Variants in NOSTRIN observed in about 807,000 individuals in gnomAD.
The protein encoded by NOSTRIN is nitric oxide synthase trafficking.
NOSTRIN carries 63 observed loss-of-function variants against 59.0 expected under a neutral mutation model. The ratio of observed to expected loss-of-function variants is 1.07; its 90% CI spans 0.87 to 1.32. The LOEUF (loss-of-function observed/expected upper bound fraction) is 1.32. Among genes scored for constraint, NOSTRIN ranks in the 40% most tolerant of loss-of-function variants. The pLI is 0.00. For missense variants in NOSTRIN, 512 were observed against 473.1 expected (o/e 1.08, Z -0.76); for synonymous variants, 200 against 165.4 (o/e 1.21, Z -1.61).
chr2:168,814,767 G>GAATA (rs1174693437), intron 2 of NOSTRIN, among the ~76,000 whole-genome samples: 1 of 152,140 alleles, frequency 6.6e-6, no homozygotes, highest in Non-Finnish European at 1.5e-5. Flanking sequence ...CTTGCAGACT[G>GAATA]AATAAATAAA....
chr2:168,801,425 A>G (rs1574251439), upstream of NOSTRIN, among the ~76,000 whole-genome samples: 1 of 147,928 alleles, frequency 6.8e-6, no homozygotes, highest in Non-Finnish European at 1.5e-5. Context: ...CTCCTGCTAT[A>G]TTGCCCAGGC....
In NOSTRIN at chr2:168,859,514, C is replaced by G; in HGVS notation, c.1056C>G (p.Asn352Lys). 1 of 1,613,904 alleles carries G rather than the reference C, an allele frequency of 6.2e-7. No individual in the cohort carries two copies. Among genetic ancestry groups the G allele is most frequent in the Non-Finnish European group, 8.5e-7 (1 of 1,179,918 alleles). ...QKDTAALMDENNLKLDLLEAN... is the reference protein window; with the variant it reads ...QKDTAALMDEKNLKLDLLEAN... ...ATGGCCAAATGATGTATCCACAGAA[C>G]AATTTGAAACTAGACCTTTTGGAAG... The change falls in exon 13 of 16, where the codon AAC becomes AAG. Residue 352 changes from asparagine (N) to lysine (K), a missense_variant and splice_region_variant. Physicochemically the swap from Asn to Lys is moderately conservative, Grantham distance 94. Transcript: ENST00000317647.
At position 168,843,122 on chromosome 2, in the gene NOSTRIN, G is replaced by A. The variant is rs767566434; in HGVS notation, c.630+5G>A. 3 of 863,058 alleles carry A rather than the reference G, an allele frequency of 3.5e-6. No homozygotes were observed. The highest frequency in any genetic ancestry group is 1.8e-5 in the Admixed American group (1 of 56,656). The allele number at this position is 863,058 out of a possible 1,614,324, so 53.5% of individuals were successfully genotyped here. On this transcript the variant is annotated splice_donor_5th_base_variant and intron_variant, in intron 8 of 15. Coordinates refer to ENST00000317647, the MANE Select transcript of NOSTRIN (RefSeq NM_001039724.4). Reference sequence around the variant, plus strand: ...ACACTAGAGAACTGCTACCAGGTAAGTTATATATTCACATTTTTTTCTTCT... The same window carrying A: ...ACACTAGAGAACTGCTACCAGGTAAATTATATATTCACATTTTTTTCTTCT...
upstream of NOSTRIN, among the ~76,000 whole-genome samples, chr2:168,797,079 C>CTTTTTTTTTT (rs775176252): frequency 2.6e-3 from 196 of 75,020 alleles, 6 homozygotes; most frequent in African/African-American, 6.0e-3. Flanking sequence ...TTTCTTTTTT[C>CTTTTTTTTTT]TTTTTTTTTT....
At chr2:168,791,700 G>A (rs958649280) in intron 2 of NOSTRIN, among the ~76,000 whole-genome samples, 3 of 152,088 alleles carry the variant, frequency 2.0e-5, no homozygotes, top group Admixed American at 1.3e-4. Context: ...GGTGTGAGAT[G>A]GTATCTCATT....
At chr2:168,827,754 GA>G (rs990674067) in intron 3 of NOSTRIN, among the ~76,000 whole-genome samples, 7 of 151,704 alleles carry the variant, frequency 4.6e-5, no homozygotes, top group African/African-American at 1.2e-4. Context: ...GTTTTTCGTA[GA>G]GAAAAGGTCT....
chr2:168,802,573 C>G, upstream of NOSTRIN: 1 of 843,336 alleles, frequency 1.2e-6, no homozygotes, highest in Non-Finnish European at 2.0e-6. Flanking sequence ...AAGTCCAGGA[C>G]ACACCCAACC....
Position 168,865,157 on chromosome 2 carries a change from G to C in NOSTRIN, c.*187G>C, listed in dbSNP as rs1373296762. 1.6e-6 allele frequency: 1 copy of C among 644,956 alleles called. No homozygotes were observed. Among genetic ancestry groups the C allele is most frequent in the African/African-American group, 1.8e-5 (1 of 54,538 alleles). 40.0% of individuals were successfully genotyped at this position (644,956 alleles called of 1,614,324 possible). A position where few individuals can be genotyped will look rare whatever the true frequency, so the allele number is the denominator to read the frequency against. On this transcript the variant is annotated 3_prime_UTR_variant, in exon 16 of 16. Transcript: ENST00000317647. ...CAGTCAGAAAAAAGATGGATGGGTGGAGACAGACAAGGAAGAGGCTCCTTG... is the reference window on the plus strand; with the variant it reads ...CAGTCAGAAAAAAGATGGATGGGTGCAGACAGACAAGGAAGAGGCTCCTTG...
chr2:168,819,377 A>G (rs560732036), intron 2 of NOSTRIN, among the ~76,000 whole-genome samples: 6 of 152,326 alleles, frequency 3.9e-5, no homozygotes, highest in African/African-American at 1.4e-4. Flanking sequence ...GGAAGTGTGC[A>G]CGGAAAAGCA....
At chr2:168,799,463 T>G (rs1000343994), upstream of NOSTRIN, among the ~76,000 whole-genome samples, 18 of 152,214 alleles carry the variant, frequency 1.2e-4, no homozygotes, top group Admixed American at 3.3e-4. Context: ...ACAAATGTGC[T>G]CACTGTGGTC....
chr2:168,844,686 C>A lies in NOSTRIN; in HGVS notation c.630+1569C>A, dbSNP rs2461386. Among the ~76,000 whole-genome samples, 663 of 151,918 alleles carry A rather than the reference C, an allele frequency of 4.4e-3. 7 individuals are homozygous for A. Among genetic ancestry groups the A allele is most frequent in the African/African-American group, 0.015 (606 of 41,438 alleles). On this transcript the variant is annotated intron_variant, in intron 8 of 15. Transcript: ENST00000317647. Reference sequence around the variant, plus strand: ...GAGATCGAGACCATCCTGGCTAACACGGCGAAACCCCGTCTCTACTAAAAA... The same window carrying A: ...GAGATCGAGACCATCCTGGCTAACAAGGCGAAACCCCGTCTCTACTAAAAA...
At chr2:168,789,640 C>T (rs533293517) in intron 2 of NOSTRIN, among the ~76,000 whole-genome samples, 2 of 152,220 alleles carry the variant, frequency 1.3e-5, no homozygotes, top group African/African-American at 2.4e-5. Context: ...ATGAGCCCAG[C>T]CCAGATTCAA....
intron 10 of NOSTRIN, among the ~76,000 whole-genome samples, chr2:168,854,001 G>A (rs1688930136): frequency 6.6e-6 from 1 of 152,164 alleles, no homozygotes; most frequent in South Asian, 2.1e-4. Flanking sequence ...CCAAGTAGCT[G>A]TGATTACAGG....
At chr2:168,863,668 C>T (rs1574349015) in intron 15 of NOSTRIN, 1 of 867,232 alleles carries the variant, frequency 1.2e-6, no homozygotes, top group South Asian at 5.9e-5. Context: ...CTGTGCAAAG[C>T]TGTGAGTGAG....
chr2:168,829,436 T>C (rs1181371517), intron 5 of NOSTRIN, among the ~76,000 whole-genome samples: 1 of 152,090 alleles, frequency 6.6e-6, no homozygotes, highest in Non-Finnish European at 1.5e-5. Context: ...CTTGCCTGCC[T>C]CAGCCTCTCG....
At chr2:168,795,867 G>C (rs549980271), upstream of NOSTRIN, among the ~76,000 whole-genome samples, 593 of 152,276 alleles carry the variant, frequency 3.9e-3, 1 homozygote, top group Admixed American at 5.7e-3. Flanking sequence ...CACTGCTTCT[G>C]CCACAGTTTA....
chr2:168,831,743 T>C (rs1687374084), intron 6 of NOSTRIN, among the ~76,000 whole-genome samples: 1 of 152,226 alleles, frequency 6.6e-6, no homozygotes, highest in Admixed American at 6.5e-5. Context: ...TTAGCACTTA[T>C]TATGTGCTAA....
At chr2:168,822,965 C>T (rs377051699) in intron 2 of NOSTRIN, among the ~76,000 whole-genome samples, 6 of 152,142 alleles carry the variant, frequency 3.9e-5, no homozygotes, top group African/African-American at 9.7e-5. Flanking sequence ...GCTAATATCC[C>T]GAGATCAGTA....
Position 168,842,987 on chromosome 2 carries a change from A to G in NOSTRIN, c.505-5A>G, listed in dbSNP as rs753976439. On this transcript the variant is annotated splice_region_variant and splice_polypyrimidine_tract_variant and intron_variant, in intron 7 of 15. Coordinates refer to ENST00000317647, the MANE Select transcript of NOSTRIN (RefSeq NM_001039724.4). ...TAAATGTGTGACATTGATGTTTTAC[A>G]TTAGCTCCTCAATAAACTGACAAAA... 3 of 871,222 alleles carry G rather than the reference A, an allele frequency of 3.4e-6. No individual in the cohort carries two copies. The highest frequency in any genetic ancestry group is 1.6e-5 in the African/African-American group (1 of 61,332). 54.0% of individuals were successfully genotyped at this position (871,222 alleles called of 1,614,324 possible). A position where few individuals can be genotyped will look rare whatever the true frequency, so the allele number is the denominator to read the frequency against.
Sources: allele counts gnomAD v4.1 joint callset (sites outside exome capture counted in the v4.1 genomes callset), GRCh38; gene constraint gnomAD v4.1.1; transcripts MANE v1.5; gene names NCBI Gene and HGNC (gene_info 2026-07-23, HGNC 2026-07-21).